The following ULK4 variants were observed in gnomAD, a reference collection of about 807,000 sequenced individuals.
The protein encoded by ULK4 is inactive serine/threonine-protein kinase ULK4.
Under a neutral mutation model 160.6 loss-of-function variants are expected in ULK4, and 133 were observed. That is an observed-to-expected ratio of 0.83 (90% CI 0.72 to 0.96). ULK4 has a LOEUF of 0.96. Among genes scored for constraint, ULK4 ranks in the 40% least tolerant of loss-of-function variants. The pLI is 0.00. For missense variants in ULK4, 1,580 were observed against 1,499.5 expected (o/e 1.05, Z -0.89); for synonymous variants, 534 against 539.8 (o/e 0.99, Z 0.15).
chr3:41,583,190 G>A (rs1417209025), intron 31 of ULK4, among the ~76,000 whole-genome samples: 4 of 152,134 alleles, frequency 2.6e-5, no homozygotes, highest in Non-Finnish European at 5.9e-5. Flanking sequence ...CCTAAATGAG[G>A]TCTCAGAAAA....
At chr3:41,537,384 CCTCT>C (rs528351571) in intron 32 of ULK4, among the ~76,000 whole-genome samples, 7 of 152,228 alleles carry the variant, frequency 4.6e-5, no homozygotes, top group African/African-American at 1.4e-4. Context: ...TTCATGATAT[CCTCT>C]CTATTAGGGG....
intron 32 of ULK4, among the ~76,000 whole-genome samples, chr3:41,560,863 C>A (rs1447767178): frequency 6.6e-6 from 1 of 152,168 alleles, no homozygotes; most frequent in African/African-American, 2.4e-5. Context: ...ATTTCTTTTT[C>A]TTGCCTGACT....
At chr3:41,418,595 G>A (rs2082588121) in intron 34 of ULK4, among the ~76,000 whole-genome samples, 1 of 152,110 alleles carries the variant, frequency 6.6e-6, no homozygotes, top group South Asian at 2.1e-4. Context: ...GAACTCCCAT[G>A]CCATGTAAAA....
At chr3:41,396,854 G>A (rs1361531426) in intron 35 of ULK4, among the ~76,000 whole-genome samples, 2 of 152,148 alleles carry the variant, frequency 1.3e-5, no homozygotes, top group Non-Finnish European at 1.5e-5. Flanking sequence ...AGATTAGTAA[G>A]TCTTGTTTTG....
chr3:41,301,936 A>G (rs1249377323), intron 35 of ULK4, among the ~76,000 whole-genome samples: 2 of 152,232 alleles, frequency 1.3e-5, no homozygotes, highest in African/African-American at 4.8e-5. Context: ...AACATTTTCT[A>G]CTTAGTAACA....
chr3:41,348,159 A>T (rs925607305), intron 35 of ULK4, among the ~76,000 whole-genome samples: 1 of 141,264 alleles, frequency 7.1e-6, no homozygotes, highest in African/African-American at 2.6e-5. Flanking sequence ...CAGTGAGCTG[A>T]GATTACACCA....
At chr3:41,773,578 A>G (rs1415439706) in intron 21 of ULK4, among the ~76,000 whole-genome samples, 6 of 152,222 alleles carry the variant, frequency 3.9e-5, no homozygotes, top group Non-Finnish European at 7.3e-5. Flanking sequence ...AAGAGGATAC[A>G]AACAAATGGA....
intron 35 of ULK4, among the ~76,000 whole-genome samples, chr3:41,353,189 C>T (rs1390933449): frequency 6.6e-6 from 1 of 152,142 alleles, no homozygotes; most frequent in Non-Finnish European, 1.5e-5. Flanking sequence ...CATCTTAGAA[C>T]CCTCTCTGGA....
At chr3:41,531,293 T>C (rs894861774) in intron 32 of ULK4, among the ~76,000 whole-genome samples, 2 of 150,330 alleles carry the variant, frequency 1.3e-5, no homozygotes, top group Non-Finnish European at 3.0e-5. Flanking sequence ...TACAAAAAAT[T>C]AGCCAGGTAT....
chr3:41,803,017 T>C (rs568606120), intron 19 of ULK4, among the ~76,000 whole-genome samples: 10 of 151,898 alleles, frequency 6.6e-5, no homozygotes, highest in African/African-American at 1.2e-4. Flanking sequence ...ACACAAAAAT[T>C]AGCTGGGCAT....
rs760559778 is a variant in ULK4, at chr3:41,566,129, T to A, written c.3122A>T (p.Glu1041Val). 13 of 1,610,006 alleles carry A rather than the reference T, an allele frequency of 8.1e-6. No individual in the cohort carries two copies. In the Admixed American group the frequency reaches 1.5e-4, roughly 19 times the overall value. Residue 1041 changes from glutamate (E) to valine (V), a missense_variant and splice_region_variant, in exon 32 of 37, where the codon GAA becomes GTA. Coordinates refer to ENST00000301831, the MANE Select transcript of ULK4 (RefSeq NM_017886.4). ...LIPLIFEVTL[E>V]HQESILGNTM... ...ATTACCCAGAATGCTCTCCTGATGTTCCTGCAATAGATCATAATTTCCATC... is the reference window on the plus strand; with the variant it reads ...ATTACCCAGAATGCTCTCCTGATGTACCTGCAATAGATCATAATTTCCATC...
intron 31 of ULK4, among the ~76,000 whole-genome samples, chr3:41,612,512 C>A (rs1022514002): frequency 1.3e-5 from 2 of 152,238 alleles, no homozygotes; most frequent in Non-Finnish European, 2.9e-5. Context: ...GTCCTCCAGA[C>A]AGGAAGTAGC....
chr3:41,663,941 G>C (rs2035270129), intron 29 of ULK4, among the ~76,000 whole-genome samples: 2 of 152,266 alleles, frequency 1.3e-5, no homozygotes, highest in South Asian at 4.2e-4. Context: ...CTCAGTAGTT[G>C]TCCTCACTTA....
chr3:41,703,834 G>GCACACACACACACACACA (rs35693704), intron 27 of ULK4, among the ~76,000 whole-genome samples: 2 of 129,258 alleles, frequency 1.5e-5, no homozygotes, highest in African/African-American at 7.4e-5. Flanking sequence ...TAATGCGCAT[G>GCACACACACACACACACA]CACACACACA....
chr3:41,721,356 A>AT (rs1199909788), intron 22 of ULK4, among the ~76,000 whole-genome samples: 3 of 61,626 alleles, frequency 4.9e-5, no homozygotes, highest in African/African-American at 1.8e-4. Context: ...ATATATATAT[A>AT]TATATATTTT....
intron 27 of ULK4, among the ~76,000 whole-genome samples, chr3:41,700,813 A>C (rs2036647941): frequency 6.6e-6 from 1 of 152,224 alleles, no homozygotes; most frequent in African/African-American, 2.4e-5. Context: ...TACATTTAAC[A>C]AACATGAATA....
In ULK4 at chr3:41,711,987, C is replaced by A. The variant is rs947172978; in HGVS notation, c.2634+3250G>T. ...AATAAGAAGTGAAAATAGCAATTAT[C>A]AGCTGGGTAGTCCTCTTTTTCCAGG... On this transcript the variant is annotated intron_variant, in intron 25 of 36. Transcript: ENST00000301831. 2.2e-4 allele frequency among the ~76,000 whole-genome samples: 33 copies of A among 152,200 alleles called. 2 individuals are homozygous for A. The highest frequency in any genetic ancestry group is 2.9e-5 in the Non-Finnish European group (2 of 68,034).
At chr3:41,560,445 A>G (rs1034802980) in intron 32 of ULK4, among the ~76,000 whole-genome samples, 1 of 152,178 alleles carries the variant, frequency 6.6e-6, no homozygotes, top group Non-Finnish European at 1.5e-5. Flanking sequence ...TCTATAAATT[A>G]CCTTGGGCAG....
intron 22 of ULK4, among the ~76,000 whole-genome samples, chr3:41,718,991 A>C (rs2037365663): frequency 6.6e-6 from 1 of 152,132 alleles, no homozygotes; most frequent in Non-Finnish European, 1.5e-5. Flanking sequence ...ATCACTGTTC[A>C]ACCTACTTGT....
Sources: allele counts gnomAD v4.1 joint callset (sites outside exome capture counted in the v4.1 genomes callset), GRCh38; gene constraint gnomAD v4.1.1; transcripts MANE v1.5; gene names NCBI Gene and HGNC (gene_info 2026-07-23, HGNC 2026-07-21).